Variants in PDE11A observed in about 807,000 individuals in gnomAD.
PDE11A encodes the protein phosphodiesterase 11A, also known as dual 3',5'-cyclic-AMP and -GMP phosphodiesterase 11A.
A neutral mutation model predicts 100.5 loss-of-function variants in PDE11A; 100 were observed. That is an observed-to-expected ratio of 1.00 (90% CI 0.85 to 1.18). The LOEUF is 1.18. Ranked by LOEUF, PDE11A falls within the 50% of genes most tolerant of loss-of-function variation. The probability of loss-of-function intolerance (pLI) is 0.00; values close to 1 mark genes in which losing one functional copy is unlikely to be tolerated. For synonymous variants in PDE11A, 381 were observed against 420.8 expected (o/e 0.91, Z 1.16); for missense variants, 1,141 against 1,152.6 (o/e 0.99, Z 0.15).
chr2:177,788,806 CT>C (rs2082581783), intron 9 of PDE11A, among the ~76,000 whole-genome samples: 1 of 152,122 alleles, frequency 6.6e-6, no homozygotes, highest in Non-Finnish European at 1.5e-5. Context: ...GGATAAATTC[CT>C]CGACACATAC....
chr2:178,072,068 T>C lies in PDE11A; in HGVS notation c.370A>G (p.Ser124Gly). The change falls in exon 1 of 20, where the codon AGT becomes GGT. Residue 124 changes from serine (S) to glycine (G), a missense_variant. Ser to Gly is a moderately conservative substitution (Grantham distance 56, BLOSUM62 0). Coordinates refer to ENST00000286063, the MANE Select transcript of PDE11A (RefSeq NM_016953.4). ...TGGATGGCCTTGGAGCGGGCAAAAC[T>C]CTTCCTTAGCTCTTTCTGAGAAGCT... ...RRASQKELRK[S>G]FARSKAIHVN... 1 of 1,614,066 alleles carries C rather than the reference T, an allele frequency of 6.2e-7. No homozygotes were observed. The highest frequency in any genetic ancestry group is 1.3e-5 in the African/African-American group (1 of 75,020).
rs1482364008 is a variant in PDE11A at position 177,898,176 on chromosome 2, T to C, written c.1184A>G (p.Asp395Gly). ...RSRALLEVVN[D>G]LFEEQTDLEK... is the part of the protein sequence containing the mutation. ...CAGGTCAGTCTGTTCTTCAAAGAGG[T>C]CATTAACCACCTCTAGCAAAGCCTA... The change falls in exon 4 of 20, where the codon GAC (aspartate) becomes GGC (glycine). Residue 395 changes from aspartate (D) to glycine (G), a missense_variant. By Grantham distance (94) the Asp-to-Gly change is moderately conservative. Transcript: ENST00000286063. The C allele has an allele frequency of 1.2e-6, 2 of 1,608,552 alleles. No individual in the cohort carries two copies.
chr2:177,898,177 CA>C lies in PDE11A; in HGVS notation c.1182del (p.Asn394LysfsTer17). On this transcript the variant is annotated frameshift_variant, in exon 4 of 20. Transcript: ENST00000286063. LOFTEE classifies it high-confidence loss of function. ...AGGTCAGTCTGTTCTTCAAAGAGGT[CA>C]TTAACCACCTCTAGCAAAGCCTAGA... is the stretch of plus-strand genomic sequence containing the variant. ...ERSRALLEVV[N>X]DLFEEQTDLE... 6.2e-7 allele frequency: 1 copy of C among 1,607,852 alleles called. No homozygotes were observed. Among genetic ancestry groups the C allele is most frequent in the Non-Finnish European group, 8.5e-7 (1 of 1,174,340 alleles).
intron 15 of PDE11A, among the ~76,000 whole-genome samples, chr2:177,684,699 G>C (rs1489792610): frequency 2.0e-5 from 3 of 152,188 alleles, no homozygotes; most frequent in Non-Finnish European, 4.4e-5. Flanking sequence ...GTTGATGGGA[G>C]GATCAAAGGA....
intron 14 of PDE11A, 100 bp downstream of exon 14, chr2:177,701,021 T>C: frequency 2.6e-6 from 2 of 770,154 alleles, no homozygotes; most frequent in Non-Finnish European, 4.7e-6. Flanking sequence ...GTTTTCCCAC[T>C]GCTTTGTGTC....
chr2:177,758,639 T>G (rs1362291200), intron 10 of PDE11A, among the ~76,000 whole-genome samples: 1 of 152,168 alleles, frequency 6.6e-6, no homozygotes, highest in Non-Finnish European at 1.5e-5. Context: ...ATGCTGCAAT[T>G]ACACACCACA....
At chr2:178,033,801 T>A (rs1359918769) in intron 1 of PDE11A, among the ~76,000 whole-genome samples, 1 of 152,150 alleles carries the variant, frequency 6.6e-6, no homozygotes. Context: ...CCAGCCAAAC[T>A]AAGCTTCATA....
At chr2:177,671,747 GAAAAT>G (rs72362843) in intron 17 of PDE11A, among the ~76,000 whole-genome samples, 7,649 of 152,076 alleles carry the variant, frequency 0.05, 614 homozygotes, top group African/African-American at 0.17. Context: ...CTCACATCCA[GAAAAT>G]AAAATAATAT....
chr2:177,810,583 G>C (rs906602022), intron 9 of PDE11A, among the ~76,000 whole-genome samples: 1 of 152,132 alleles, frequency 6.6e-6, no homozygotes, highest in African/African-American at 2.4e-5. Context: ...CAGAGAAACA[G>C]GTAGCTGGTC....
At chr2:178,097,724 T>C (rs1202218939) in intron 2 of PDE11A, among the ~76,000 whole-genome samples, 1 of 152,046 alleles carries the variant, frequency 6.6e-6, no homozygotes, top group Non-Finnish European at 1.5e-5. Flanking sequence ...TTCAAAATAC[T>C]GATAAAAATG....
At chr2:177,890,811 T>G (rs972849118) in intron 4 of PDE11A, among the ~76,000 whole-genome samples, 3 of 152,138 alleles carry the variant, frequency 2.0e-5, no homozygotes, top group African/African-American at 7.2e-5. Flanking sequence ...AGGAGAAAAT[T>G]CAAAGCTCTG....
At chr2:177,665,358 T>C (rs2080555465) in intron 18 of PDE11A, among the ~76,000 whole-genome samples, 2 of 150,428 alleles carry the variant, frequency 1.3e-5, no homozygotes, top group Admixed American at 6.6e-5. Context: ...CACACACTTG[T>C]CGTCTCAGCT....
intron 10 of PDE11A, among the ~76,000 whole-genome samples, chr2:177,736,626 G>A (rs1037873470): frequency 1.1e-4 from 17 of 152,138 alleles, no homozygotes; most frequent in Admixed American, 6.5e-4. Flanking sequence ...GAGCATGGCT[G>A]CTGATCCTTG....
intron 1 of PDE11A, among the ~76,000 whole-genome samples, chr2:178,047,230 G>C (rs1037026938): frequency 4.6e-5 from 7 of 152,128 alleles, no homozygotes; most frequent in Non-Finnish European, 1.0e-4. Context: ...GGGAGGCCAA[G>C]GCGGATGGAT....
intron 5 of PDE11A, among the ~76,000 whole-genome samples, chr2:177,858,958 A>G (rs971697118): frequency 1.3e-5 from 2 of 152,112 alleles, no homozygotes. Flanking sequence ...GACATGGATG[A>G]AGCTGGAAAC....
At chr2:178,104,521 TAGA>T in intron 1 of PDE11A, 1 of 1,506,146 alleles carries the variant, frequency 6.6e-7, no homozygotes, top group Non-Finnish European at 9.2e-7. Flanking sequence ...ATATATATAT[TAGA>T]TTTTCAAAGC....
chr2:177,991,782 T>C (rs2086008473), intron 2 of PDE11A, among the ~76,000 whole-genome samples: 1 of 140,414 alleles, frequency 7.1e-6, no homozygotes, highest in South Asian at 2.3e-4. Flanking sequence ...TATGATGGCA[T>C]GAGTTTTTAA....
At chr2:177,875,003 C>T (rs561105945) in intron 5 of PDE11A, among the ~76,000 whole-genome samples, 1 of 152,254 alleles carries the variant, frequency 6.6e-6, no homozygotes, top group East Asian at 1.9e-4. Context: ...ACGGGCAGAT[C>T]ACTTGAGGTC....
chr2:177,878,118 G>A (rs2084270393), intron 4 of PDE11A, among the ~76,000 whole-genome samples: 1 of 152,108 alleles, frequency 6.6e-6, no homozygotes, highest in Admixed American at 6.5e-5. Flanking sequence ...GATGAATGTA[G>A]GGCAATGACA....
Sources: allele counts gnomAD v4.1 joint callset (sites outside exome capture counted in the v4.1 genomes callset), GRCh38; gene constraint gnomAD v4.1.1; transcripts MANE v1.5; gene names NCBI Gene and HGNC (gene_info 2026-07-23, HGNC 2026-07-21).